RSRC1: variants seen among roughly 807,000 people sequenced by gnomAD.
RSRC1 encodes the protein serine/Arginine-related protein 53.
Under a neutral mutation model 49.1 loss-of-function variants are expected in RSRC1, and 39 were observed. That is an observed-to-expected ratio of 0.79 (90% CI 0.61 to 1.04). RSRC1 has a LOEUF of 1.04. RSRC1 is among the 50% of genes least tolerant of loss of function. The probability of loss-of-function intolerance (pLI) is 0.00; values close to 1 mark genes in which losing one functional copy is unlikely to be tolerated. For missense variants in RSRC1, 388 were observed against 402.4 expected (o/e 0.96, Z 0.31); for synonymous variants, 143 against 130.8 (o/e 1.09, Z -0.63).
intron 3 of RSRC1, among the ~76,000 whole-genome samples, chr3:158,189,910 A>C (rs1720138311): frequency 6.6e-6 from 1 of 151,858 alleles, no homozygotes; most frequent in African/African-American, 2.4e-5. Flanking sequence ...TGACTTACCT[A>C]GAATTTGTTG....
At chr3:158,345,245 A>G (rs918878793) in intron 5 of RSRC1, among the ~76,000 whole-genome samples, 1 of 151,872 alleles carries the variant, frequency 6.6e-6, no homozygotes, top group Non-Finnish European at 1.5e-5. Flanking sequence ...AAAAAATCCA[A>G]TCTAAGAGAA....
rs145931388 is a variant in RSRC1, at chr3:158,177,242, C to T, written c.321-25830C>T. ...TGTGGAAGACGGTGTGGTGATTCATCGAGGATCTAGAACTAGAAATACCAT... is the reference window on the plus strand; with the variant it reads ...TGTGGAAGACGGTGTGGTGATTCATTGAGGATCTAGAACTAGAAATACCAT... On this transcript the variant is annotated intron_variant, in intron 3 of 9. Transcript: ENST00000611884. 5.4e-3 allele frequency among the ~76,000 whole-genome samples: 820 copies of T among 152,266 alleles called. 8 individuals are homozygous for T. Among genetic ancestry groups the T allele is most frequent in the African/African-American group, 0.019 (784 of 41,546 alleles).
chr3:158,539,100 A>G lies in RSRC1; in HGVS notation c.759+1902A>G, dbSNP rs1712890167. 1.8e-5 allele frequency among the ~76,000 whole-genome samples: 2 copies of G among 110,406 alleles called. No homozygotes were observed. The highest frequency in any genetic ancestry group is 3.9e-5 in the African/African-American group (1 of 25,708). The allele number at this position is 110,406 out of a possible 152,430, so 72.4% of individuals were successfully genotyped here. A position where few individuals can be genotyped will look rare whatever the true frequency, so the allele number is the denominator to read the frequency against. ...ATATGATGGACTATCCCTAATGCATAGCAAGGATTTAACTCTCTTGAGGAC... is the reference window on the plus strand; with the variant it reads ...ATATGATGGACTATCCCTAATGCATGGCAAGGATTTAACTCTCTTGAGGAC... On this transcript the variant is annotated intron_variant, in intron 8 of 9. Coordinates refer to ENST00000611884, the MANE Select transcript of RSRC1 (RefSeq NM_001271838.2). The surrounding 1 kb of genome is among the most constrained non-coding windows in gnomAD (Gnocchi z 4.1).
intron 5 of RSRC1, among the ~76,000 whole-genome samples, chr3:158,328,425 C>A (rs899445214): frequency 1.5e-5 from 2 of 136,226 alleles, no homozygotes; most frequent in African/African-American, 5.2e-5. Flanking sequence ...TAGGGCAGGC[C>A]TGGTGGTGAC....
intron 7 of RSRC1, among the ~76,000 whole-genome samples, chr3:158,489,372 A>T (rs182156663): frequency 7.2e-5 from 11 of 152,326 alleles, no homozygotes; most frequent in African/African-American, 2.6e-4. Context: ...GTGCTGCTTC[A>T]TTAGGCTGGC....
At chr3:158,498,807 C>G (rs1160399818) in intron 7 of RSRC1, among the ~76,000 whole-genome samples, 1 of 152,082 alleles carries the variant, frequency 6.6e-6, no homozygotes, top group Non-Finnish European at 1.5e-5. Context: ...ATTATCCCAT[C>G]ACCATTTATT....
intron 7 of RSRC1, among the ~76,000 whole-genome samples, chr3:158,511,977 T>C (rs1740213220): frequency 6.6e-6 from 1 of 150,926 alleles, no homozygotes; most frequent in Non-Finnish European, 1.5e-5. Flanking sequence ...GTTGTTTTTT[T>C]CTTGTAAATT....
At chr3:158,428,497 TCA>T (rs1735587496) in intron 6 of RSRC1, among the ~76,000 whole-genome samples, 1 of 151,808 alleles carries the variant, frequency 6.6e-6, no homozygotes. Context: ...CCTCTGTGCC[TCA>T]GTTTTCTTAA....
rs562275112 is a variant in RSRC1 at position 158,447,396 on chromosome 3, A to G, written c.584-13539A>G. On this transcript the variant is annotated intron_variant, in intron 6 of 9. Coordinates refer to ENST00000611884, the MANE Select transcript of RSRC1 (RefSeq NM_001271838.2). ...TATTTGCTTTCATCCTTATTTTACA[A>G]TGGGATTTTATTCCTAATCTTTCTG... Among the ~76,000 whole-genome samples the G allele has an allele frequency of 1.4e-4, 21 of 152,132 alleles. No homozygotes were observed. The South Asian group carries it at 4.4e-3, about 32-fold the overall frequency.
At chr3:158,417,268 C>T (rs1734790756) in intron 6 of RSRC1, among the ~76,000 whole-genome samples, 1 of 152,054 alleles carries the variant, frequency 6.6e-6, no homozygotes, top group South Asian at 2.1e-4. Flanking sequence ...CATATAATAT[C>T]AACGTAGGTA....
chr3:158,222,674 AAT>A lies in RSRC1; in HGVS notation c.494+19433_494+19434del, dbSNP rs1164253641. Among the ~76,000 whole-genome samples the A allele has an allele frequency of 1.8e-3, 274 of 151,658 alleles. 2 individuals carry two copies. Among genetic ancestry groups the A allele is most frequent in the Non-Finnish European group, 2.7e-4 (18 of 67,738 alleles). ...CACTTCTTAAATTGTTTGACCATTA[AAT>A]ATACCACTTTTTATTATCCATCACC... is the stretch of plus-strand genomic sequence containing the variant. On this transcript the variant is annotated intron_variant, in intron 4 of 9. Transcript: ENST00000611884.
In RSRC1 at chr3:158,172,747, C is replaced by A. The variant is rs550807646; in HGVS notation, c.321-30325C>A. On this transcript the variant is annotated intron_variant, in intron 3 of 9. Transcript: ENST00000611884. ...TTAATCTATTTTTTAATATTAGAAGCGGCTAGTAGTCTTTATTTAAAAATT... is the reference window on the plus strand; with the variant it reads ...TTAATCTATTTTTTAATATTAGAAGAGGCTAGTAGTCTTTATTTAAAAATT... Among the ~76,000 whole-genome samples, 41 of 152,138 alleles carry A rather than the reference C, an allele frequency of 2.7e-4. 1 individual carries two copies. The South Asian group carries it at 5.6e-3, about 21-fold the overall frequency.
At chr3:158,313,549 T>C (rs1343056122) in intron 5 of RSRC1, among the ~76,000 whole-genome samples, 2 of 152,226 alleles carry the variant, frequency 1.3e-5, no homozygotes, top group East Asian at 1.9e-4. Context: ...TAATCCAAAG[T>C]GTATCCACTG....
intron 5 of RSRC1, among the ~76,000 whole-genome samples, chr3:158,323,687 C>T (rs886971518): frequency 6.6e-6 from 1 of 152,194 alleles, no homozygotes; most frequent in East Asian, 1.9e-4. Context: ...GCTGTTCTTA[C>T]TAGATAAAGT....
chr3:158,367,320 A>C (rs1012035370), intron 6 of RSRC1, among the ~76,000 whole-genome samples: 6 of 152,158 alleles, frequency 3.9e-5, no homozygotes, highest in African/African-American at 1.4e-4. Flanking sequence ...ATCAACACCT[A>C]GTTTATTGAG....
intron 6 of RSRC1, among the ~76,000 whole-genome samples, chr3:158,355,139 G>T (rs1245161254): frequency 2.6e-5 from 4 of 151,656 alleles, no homozygotes; most frequent in African/African-American, 9.7e-5. Flanking sequence ...TTATAAAATT[G>T]GCTTCAGTTT....
chr3:158,406,698 A>G (rs1406488610), intron 6 of RSRC1, among the ~76,000 whole-genome samples: 3 of 152,144 alleles, frequency 2.0e-5, no homozygotes, highest in Non-Finnish European at 4.4e-5. Context: ...TCAAAAAGAT[A>G]GTAAGCAGCA....
chr3:158,190,878 G>A (rs1158243466), intron 3 of RSRC1, among the ~76,000 whole-genome samples: 1 of 151,836 alleles, frequency 6.6e-6, no homozygotes, highest in Non-Finnish European at 1.5e-5. Flanking sequence ...AACCCTTCTT[G>A]AATGACACTG....
intron 3 of RSRC1, among the ~76,000 whole-genome samples, chr3:158,148,747 T>A (rs1717326521): frequency 6.6e-6 from 1 of 151,986 alleles, no homozygotes; most frequent in Admixed American, 6.6e-5. Flanking sequence ...CAGAACTGGA[T>A]TGCCTCAGCT....
Sources: allele counts gnomAD v4.1 joint callset (sites outside exome capture counted in the v4.1 genomes callset), GRCh38; gene constraint gnomAD v4.1.1; non-coding constraint Gnocchi (gnomAD v3.1); transcripts MANE v1.5; gene names NCBI Gene and HGNC (gene_info 2026-07-23, HGNC 2026-07-21).